The following STK32B variants were observed in gnomAD, a reference collection of about 807,000 sequenced individuals.
STK32B encodes serine/threonine-protein kinase 32B.
STK32B carries 43 observed loss-of-function variants against 52.6 expected under a neutral mutation model. The observed-to-expected ratio is 0.82, with a 90% confidence interval of 0.64 to 1.05. The LOEUF is 1.05. STK32B is among the 50% of genes least tolerant of loss of function. The pLI is 0.00. For synonymous variants in STK32B, 238 were observed against 204.3 expected, an observed-to-expected ratio of 1.17 and a Z score of -1.41; for missense variants, 621 against 534.6, an observed-to-expected ratio of 1.16 and a Z score of -1.59.
chr4:5,032,124 A>G, the STK32B span, among the ~76,000 whole-genome samples: 1 of 152,018 alleles, frequency 6.6e-6, no homozygotes, highest in African/African-American at 2.4e-5. Context: ...GTCCTTTGAA[A>G]TTAGAACTTG....
chr4:5,265,892 A>G (rs938481155), intron 3 of STK32B, among the ~76,000 whole-genome samples: 1 of 152,202 alleles, frequency 6.6e-6, no homozygotes, highest in Non-Finnish European at 1.5e-5. Flanking sequence ...TGGATGTACT[A>G]AAATGTATTT....
chr4:5,337,337 A>G (rs769899914), intron 4 of STK32B, among the ~76,000 whole-genome samples: 7 of 152,122 alleles, frequency 4.6e-5, no homozygotes, highest in Non-Finnish European at 1.0e-4. Context: ...ACGCTATTCA[A>G]CCATGTGTGA....
chr4:5,478,800 C>T (rs1276372495), intron 11 of STK32B, among the ~76,000 whole-genome samples: 2 of 152,184 alleles, frequency 1.3e-5, no homozygotes, highest in Admixed American at 6.5e-5. Context: ...ACCGGGCTGC[C>T]TTGACTGGAG....
chr4:5,479,409 A>T (rs892334126), intron 11 of STK32B, among the ~76,000 whole-genome samples: 1 of 152,028 alleles, frequency 6.6e-6, no homozygotes, highest in Admixed American at 6.6e-5. Context: ...GTGAGCCACC[A>T]TGCCCGGCCT....
chr4:5,493,914 T>G (rs1719965480), intron 11 of STK32B, among the ~76,000 whole-genome samples: 1 of 152,400 alleles, frequency 6.6e-6, no homozygotes, highest in African/African-American at 2.4e-5. Context: ...AATCCTGAGT[T>G]CTAGTTTGAT....
rs1291234375 is a variant in STK32B, at chr4:5,386,519, A to G, written c.435-11688A>G. Among the ~76,000 whole-genome samples the G allele has an allele frequency of 6.6e-6, 1 of 152,186 alleles. No homozygotes were observed. Among genetic ancestry groups the G allele is most frequent in the East Asian group, 1.9e-4 (1 of 5,180 alleles). ...CACATATTTGTAATTTGACCTAGTA[A>G]CTGAACATCTCTCAGCCTCATTGTC... On this transcript the variant is annotated intron_variant, in intron 4 of 11. Coordinates refer to ENST00000282908, the MANE Select transcript of STK32B (RefSeq NM_018401.3). This position sits in a 1 kb window ranked among gnomAD's most constrained non-coding sequence, Gnocchi z 4.5.
the STK32B span, among the ~76,000 whole-genome samples, chr4:5,027,403 G>A: frequency 6.6e-6 from 1 of 152,166 alleles, no homozygotes; most frequent in Non-Finnish European, 1.5e-5. Flanking sequence ...CCCCAGGCCT[G>A]GTACACAGAA....
intron 3 of STK32B, among the ~76,000 whole-genome samples, chr4:5,229,411 C>G (rs375297382): frequency 1.3e-5 from 2 of 152,014 alleles, no homozygotes; most frequent in Admixed American, 6.6e-5. Context: ...TATACAAATT[C>G]AATGAGATAA....
At chr4:5,260,905 T>C (rs1179069114) in intron 3 of STK32B, among the ~76,000 whole-genome samples, 6 of 152,126 alleles carry the variant, frequency 3.9e-5, no homozygotes. Flanking sequence ...GAGGCTTCAG[T>C]GGACCCCAGG....
Position 5,336,035 on chromosome 4 carries a change from T to A in STK32B, c.434+4642T>A, listed in dbSNP as rs1455101255. On this transcript the variant is annotated intron_variant, in intron 4 of 11. Coordinates refer to ENST00000282908, the MANE Select transcript of STK32B (RefSeq NM_018401.3). ...ACCCGAAAGGAAGACTAAAGGTTAT[T>A]CTGCTAATGAGGGTAAAATGGAGAG... Among the ~76,000 whole-genome samples, 4 of 150,838 alleles carry A rather than the reference T, an allele frequency of 2.7e-5. No homozygotes were observed. The East Asian group carries it at 7.8e-4, about 29-fold the overall frequency.
At chr4:5,170,559 G>A (rs753888435) in intron 3 of STK32B, among the ~76,000 whole-genome samples, 4 of 152,024 alleles carry the variant, frequency 2.6e-5, no homozygotes, top group Admixed American at 2.6e-4. Context: ...AACATGCAGT[G>A]TGTGGTTTCT....
chr4:5,044,180 T>C, the STK32B span, among the ~76,000 whole-genome samples: 1 of 152,146 alleles, frequency 6.6e-6, no homozygotes, highest in Non-Finnish European at 1.5e-5. Context: ...TCCCTTTCTG[T>C]CTAAGCTGGC....
intron 2 of STK32B, among the ~76,000 whole-genome samples, chr4:5,159,059 A>C (rs1296693922): frequency 6.6e-6 from 1 of 152,140 alleles, no homozygotes; most frequent in African/African-American, 2.4e-5. Context: ...GCAAGTGAAT[A>C]CCAGCAAGCT....
rs1560313916 is a variant in STK32B, at chr4:5,317,363, G to A, written c.261-13857G>A. Among the ~76,000 whole-genome samples the A allele has an allele frequency of 3.3e-4, 24 of 72,540 alleles. 1 individual carries two copies. Among genetic ancestry groups the A allele is most frequent in the African/African-American group, 2.2e-3 (20 of 9,262 alleles). 47.6% of individuals were successfully genotyped at this position (72,540 alleles called of 152,430 possible). The stretch of plus-strand genomic sequence containing the variant: ...AATACATATATATAATATATATAAT[G>A]TATATGTATTATATATATTACATAT... On this transcript the variant is annotated intron_variant, in intron 3 of 11. Coordinates refer to ENST00000282908, the MANE Select transcript of STK32B (RefSeq NM_018401.3).
intron 3 of STK32B, among the ~76,000 whole-genome samples, chr4:5,183,023 C>G (rs755320365): frequency 2.6e-5 from 4 of 152,140 alleles, no homozygotes; most frequent in Non-Finnish European, 4.4e-5. Context: ...GTGCTGTCTT[C>G]CAGGCTTTGT....
intron 6 of STK32B, among the ~76,000 whole-genome samples, chr4:5,425,940 C>G (rs116390584): frequency 4.6e-5 from 7 of 152,108 alleles, no homozygotes; most frequent in African/African-American, 1.4e-4. Context: ...TTACTCATGA[C>G]GTGTGTATCA....
chr4:5,282,005 T>A (rs1728231569), intron 3 of STK32B, among the ~76,000 whole-genome samples: 1 of 152,216 alleles, frequency 6.6e-6, no homozygotes, highest in African/African-American at 2.4e-5. Context: ...TACATATGCT[T>A]ATGGGTTATA....
At chr4:5,193,072 ACTGCACTTTATAAGGCCTGGCTGCC>A (rs1359014093) in intron 3 of STK32B, among the ~76,000 whole-genome samples, 3 of 152,146 alleles carry the variant, frequency 2.0e-5, no homozygotes, top group Non-Finnish European at 4.4e-5. Flanking sequence ...AACCCCGGCC[ACTGCACTTTATAAGGCCTGGCTGCC>A]CATGCCTGGG....
chr4:5,100,541 T>A (rs1218917878), intron 1 of STK32B, among the ~76,000 whole-genome samples: 6 of 137,218 alleles, frequency 4.4e-5, no homozygotes, highest in Non-Finnish European at 6.3e-5. Flanking sequence ...CTTCCTTCCT[T>A]TCCTCCTTTC....
Sources: allele counts gnomAD v4.1 joint callset (sites outside exome capture counted in the v4.1 genomes callset), GRCh38; gene constraint gnomAD v4.1.1; non-coding constraint Gnocchi (gnomAD v3.1); transcripts MANE v1.5; gene names NCBI Gene and HGNC (gene_info 2026-07-23, HGNC 2026-07-21).